Variants in IDH2 observed in about 807,000 individuals in gnomAD.
The protein encoded by IDH2 is isocitrate dehydrogenase (NADP(+)) 2.
A neutral mutation model predicts 50.5 loss-of-function variants in IDH2; 18 were observed. The observed-to-expected ratio is 0.36, with a 90% CI of 0.25 to 0.53. The LOEUF (loss-of-function observed/expected upper bound fraction) is 0.53. Ranked by LOEUF, IDH2 falls within the 20% of genes least tolerant of loss-of-function variation. The pLI is 0.92. For synonymous variants in IDH2, 280 were observed against 239.8 expected (o/e 1.17, Z -1.55); for missense variants, 518 against 610.7 (o/e 0.85, Z 1.60).
At chr15:90,092,662 C>A (rs377688391) in intron 1 of IDH2, among the ~76,000 whole-genome samples, 2 of 152,010 alleles carry the variant, frequency 1.3e-5, no homozygotes, top group African/African-American at 4.8e-5. Context: ...CTGCAACCTC[C>A]GCCTCCCGAG....
intron 3 of IDH2, among the ~76,000 whole-genome samples, chr15:90,088,971 A>G (rs553206140): frequency 6.9e-5 from 10 of 144,688 alleles, no homozygotes; most frequent in East Asian, 6.0e-4. Context: ...CTGGAGTGCA[A>G]TGGCGCGATC....
In IDH2 at chr15:90,085,295, G is replaced by A; in HGVS notation, c.1060C>T (p.His354Tyr). Residue 354 changes from histidine (H) to tyrosine (Y), a missense_variant, in exon 8 of 11, where the codon CAC becomes TAC. This residue lies in a region of IDH2 where 135 missense variants were observed against 167.6 expected (regional missense o/e 0.81). Coordinates refer to ENST00000330062, the MANE Select transcript of IDH2 (RefSeq NM_002168.4). This position sits in a 1 kb window ranked among gnomAD's most constrained non-coding sequence, Gnocchi z 5.5. ...AEAAHGTVTR[H>Y]YREHQKGRPT... ...CTCACCTTCTGGTGCTCCCGATAGTGGCGGGTGACGGTCCCATGAGCGGCC... is the reference window on the plus strand; with the variant it reads ...CTCACCTTCTGGTGCTCCCGATAGTAGCGGGTGACGGTCCCATGAGCGGCC... 1.3e-6 allele frequency: 2 copies of A among 1,552,374 alleles called. No homozygotes were observed. The highest frequency in any genetic ancestry group is 1.7e-6 in the Non-Finnish European group (2 of 1,147,296).
rs1454072236 is a variant in IDH2, at chr15:90,098,549, T to TGTATGTATGTATGTAC, written c.115+3726_115+3727insGTACATACATACATAC. On this transcript the variant is annotated intron_variant, in intron 1 of 10. Coordinates refer to ENST00000330062, the MANE Select transcript of IDH2 (RefSeq NM_002168.4). The surrounding 1 kb of genome is among the most constrained non-coding windows in gnomAD (Gnocchi z 5.1). ...ATGCATGCATGTATGTATGTATGTA[T>TGTATGTATGTATGTAC]GTATGTATGTATTGAGACAGAGTCT... 2.0e-5 allele frequency among the ~76,000 whole-genome samples: 3 copies of TGTATGTATGTATGTAC among 152,004 alleles called. No homozygotes were observed. Among genetic ancestry groups the TGTATGTATGTATGTAC allele is most frequent in the Non-Finnish European group, 4.4e-5 (3 of 67,982 alleles).
At chr15:90,086,998 C>G in intron 7 of IDH2, 114 bp downstream of exon 7, 1 of 1,146,052 alleles carries the variant, frequency 8.7e-7, no homozygotes, top group Non-Finnish European at 1.3e-6. Context: ...CCACAGAGGA[C>G]CCTGCAATGA....
At chr15:90,095,146 C>G (rs1596078996) in intron 1 of IDH2, among the ~76,000 whole-genome samples, 1 of 151,664 alleles carries the variant, frequency 6.6e-6, no homozygotes, top group Admixed American at 6.6e-5. Context: ...TGGTCTGCAT[C>G]AGAGGCAAGA....
Position 90,084,248 on chromosome 15 carries a change from C to T in IDH2, c.*18G>A. Reference sequence around the variant, plus strand: ...TCAGCCCTGGCCCCTCCACTGCAGCCATGGGTGGCGCCTCCCCCTACTGCC... The same window carrying T: ...TCAGCCCTGGCCCCTCCACTGCAGCTATGGGTGGCGCCTCCCCCTACTGCC... On this transcript the variant is annotated 3_prime_UTR_variant, in exon 11 of 11. Transcript: ENST00000330062. The surrounding 1 kb of genome is among the most constrained non-coding windows in gnomAD (Gnocchi z 5.0). The T allele has an allele frequency of 6.2e-7, 1 of 1,611,582 alleles. No individual in the cohort carries two copies. The highest frequency in any genetic ancestry group is 8.5e-7 in the Non-Finnish European group (1 of 1,178,570).
At chr15:90,097,531 G>A (rs1002718857) in intron 1 of IDH2, among the ~76,000 whole-genome samples, 2 of 152,160 alleles carry the variant, frequency 1.3e-5, no homozygotes, top group Non-Finnish European at 2.9e-5. Flanking sequence ...GGATGAACCT[G>A]GGGGGCATTA....
chr15:90,086,531 T>C (rs762888335), intron 7 of IDH2, among the ~76,000 whole-genome samples: 1 of 152,088 alleles, frequency 6.6e-6, no homozygotes, highest in Non-Finnish European at 1.5e-5. Flanking sequence ...GTAGCTGGGA[T>C]TACAGGTGTC....
chr15:90,099,485 G>T (rs1269518559), intron 1 of IDH2, among the ~76,000 whole-genome samples: 1 of 152,152 alleles, frequency 6.6e-6, no homozygotes, highest in Non-Finnish European at 1.5e-5. Flanking sequence ...GGGAGAAGGG[G>T]GAGGCAGGGT....
In IDH2 at chr15:90,085,078, G is replaced by T. The variant is rs751677526; in HGVS notation, c.1101C>A (p.Asn367Lys). ...EHQKGRPTST[N>K]PIASIFAWTR... Reference sequence around the variant, plus strand: ...TCCAGGCAAAGATGCTGGCGATGGGGTTGGTGCTGGTGGGCCGGCCCTGGG... The same window carrying T: ...TCCAGGCAAAGATGCTGGCGATGGGTTTGGTGCTGGTGGGCCGGCCCTGGG... The change falls in exon 9 of 11, where the codon AAC (asparagine) becomes AAA (lysine). Residue 367 changes from asparagine to lysine, a missense_variant. This residue lies in a region of IDH2 where 135 missense variants were observed against 167.6 expected (regional missense o/e 0.81). Coordinates refer to ENST00000330062, the MANE Select transcript of IDH2 (RefSeq NM_002168.4). The surrounding 1 kb of genome is among the most constrained non-coding windows in gnomAD (Gnocchi z 5.5). 6.2e-7 allele frequency: 1 copy of T among 1,613,940 alleles called. No homozygotes were observed. The highest frequency in any genetic ancestry group is 1.7e-5 in the Admixed American group (1 of 60,032).
chr15:90,092,049 ACT>A lies in IDH2; in HGVS notation c.116-407_116-406del, dbSNP rs571687716. Reference sequence around the variant, plus strand: ...AGAATCTAATGCCTGATGATCTGTCACTGTCTTCCAGCACCTCCAGATGGGAC... The same window carrying A: ...AGAATCTAATGCCTGATGATCTGTCAGTCTTCCAGCACCTCCAGATGGGAC... On this transcript the variant is annotated intron_variant, in intron 1 of 10. Coordinates refer to ENST00000330062, the MANE Select transcript of IDH2 (RefSeq NM_002168.4). 4.4e-3 allele frequency among the ~76,000 whole-genome samples: 670 copies of A among 152,324 alleles called. 7 individuals are homozygous for A. Among genetic ancestry groups the A allele is most frequent in the African/African-American group, 0.015 (642 of 41,568 alleles).
chr15:90,087,397 G>A (rs1273409973), intron 6 of IDH2, 42 bp downstream of exon 6: 1 of 1,613,772 alleles, frequency 6.2e-7, no homozygotes, highest in Non-Finnish European at 8.5e-7. Flanking sequence ...CAGCATGGGG[G>A]GAAGGGAAGA....
intron 3 of IDH2, 90 bp from the exon 4 acceptor site, chr15:90,088,837 G>C (rs185894042): frequency 4.2e-6 from 6 of 1,430,434 alleles, no homozygotes; most frequent in Admixed American, 1.7e-5. Context: ...CCAGACGGGG[G>C]TCCTAAAATT....
Position 90,091,579 on chromosome 15 carries a change from T to C in IDH2, c.181A>G (p.Ile61Val). 1 of 1,614,150 alleles carries C rather than the reference T, an allele frequency of 6.2e-7. No individual in the cohort carries two copies. Residue 61 changes from isoleucine (I) to valine (V), a missense_variant, in exon 2 of 11, where the codon ATT (isoleucine) becomes GTT (valine). Physicochemically the swap from Ile to Val is conservative, Grantham distance 29 (BLOSUM62 3). This residue lies in a region of IDH2 where 68 missense variants were observed against 109.7 expected (regional missense o/e 0.62). Coordinates refer to ENST00000330062, the MANE Select transcript of IDH2 (RefSeq NM_002168.4). The part of the protein sequence containing the change: ...VEMDGDEMTR[I>V]IWQFIKEKLI... ...TTCTCCTTGATGAACTGCCAGATAA[T>C]ACGGGTCATCTCATCACCATCCATC...
At position 90,098,539 on chromosome 15, in the gene IDH2, T is replaced by TATGTATGC. The variant is rs1216157149; in HGVS notation, c.115+3736_115+3737insGCATACAT. On this transcript the variant is annotated intron_variant, in intron 1 of 10. Coordinates refer to ENST00000330062, the MANE Select transcript of IDH2 (RefSeq NM_002168.4). This position sits in a 1 kb window ranked among gnomAD's most constrained non-coding sequence, Gnocchi z 5.1. ...GTATGTATGTATGCATGCATGTATG[T>TATGTATGC]ATGTATGTATGTATGTATGTATTGA... is the stretch of plus-strand genomic sequence containing the variant. 1.3e-4 allele frequency among the ~76,000 whole-genome samples: 19 copies of TATGTATGC among 147,024 alleles called. No homozygotes were observed. Among genetic ancestry groups the TATGTATGC allele is most frequent in the Non-Finnish European group, 2.6e-4 (17 of 66,278 alleles).
At position 90,090,517 on chromosome 15, in the gene IDH2, T is replaced by C; in HGVS notation, c.335A>G (p.Lys112Arg). Residue 112 changes from lysine to arginine, a missense_variant, in exon 3 of 11, where the codon AAG becomes AGG. Lys to Arg is a conservative substitution (Grantham distance 26). Coordinates refer to ENST00000330062, the MANE Select transcript of IDH2 (RefSeq NM_002168.4). ...LATQKYSVAV[K>R]CATITPDEAR... ...CTCATCAGGGGTGATGGTGGCACACTTGACAGCCACACTGTACTTCTGGGT... is the reference window on the plus strand; with the variant it reads ...CTCATCAGGGGTGATGGTGGCACACCTGACAGCCACACTGTACTTCTGGGT... The C allele has an allele frequency of 6.2e-7, 1 of 1,614,010 alleles. No individual in the cohort carries two copies. The highest frequency in any genetic ancestry group is 2.2e-5 in the East Asian group (1 of 44,884).
intron 7 of IDH2, among the ~76,000 whole-genome samples, chr15:90,086,605 C>T (rs145916209): frequency 6.4e-4 from 97 of 152,118 alleles, no homozygotes; most frequent in African/African-American, 2.2e-3. Context: ...GACGGGGTTT[C>T]GTCATGTTGG....
chr15:90,098,827 C>T lies in IDH2; in HGVS notation c.115+3449G>A, dbSNP rs1487249616. The stretch of plus-strand genomic sequence containing the variant: ...CCAAAGTCCTGGGAGCCACCGCACG[C>T]GGCCAGAACAGCCATTTTGGAACAA... On this transcript the variant is annotated intron_variant, in intron 1 of 10. Coordinates refer to ENST00000330062, the MANE Select transcript of IDH2 (RefSeq NM_002168.4). This position sits in a 1 kb window ranked among gnomAD's most constrained non-coding sequence, Gnocchi z 5.1. 3.3e-5 allele frequency among the ~76,000 whole-genome samples: 5 copies of T among 152,154 alleles called. No individual in the cohort carries two copies. The highest frequency in any genetic ancestry group is 3.9e-4 in the East Asian group (2 of 5,180).
At chr15:90,101,181 C>CTCTAGTCAGCTGCTCCCA (rs1441749875) in intron 1 of IDH2, among the ~76,000 whole-genome samples, 5 of 152,102 alleles carry the variant, frequency 3.3e-5, no homozygotes, top group African/African-American at 1.2e-4. Flanking sequence ...ACCCCCCCGG[C>CTCTAGTCAGCTGCTCCCA]TCTAGTCAGC....
Sources: allele counts gnomAD v4.1 joint callset (sites outside exome capture counted in the v4.1 genomes callset), GRCh38; gene constraint gnomAD v4.1.1; regional missense constraint gnomAD v4.1.1; non-coding constraint Gnocchi (gnomAD v3.1); transcripts MANE v1.5; gene names NCBI Gene and HGNC (gene_info 2026-07-23, HGNC 2026-07-21).